Variants in NCKAP5 observed in about 807,000 individuals in gnomAD.
The protein encoded by NCKAP5 is NCK associated protein 5, also known as nck-associated protein 5.
In NCKAP5, 92 loss-of-function variants were observed where a neutral mutation model predicts 167.0. That is an observed-to-expected ratio of 0.55 (90% confidence interval 0.47 to 0.66). The LOEUF (loss-of-function observed/expected upper bound fraction) is 0.66, where lower values mean the gene tolerates loss of function less well. Ranked by LOEUF, NCKAP5 falls within the 30% of genes least tolerant of loss-of-function variation. The pLI is 0.00. For synonymous variants in NCKAP5, 891 were observed against 877.4 expected, an observed-to-expected ratio of 1.02 and a Z score of -0.27; for missense variants, 2,378 against 2,315.0, an observed-to-expected ratio of 1.03 and a Z score of -0.56.
intron 6 of NCKAP5, among the ~76,000 whole-genome samples, chr2:133,109,659 G>C (rs185636622): frequency 2.6e-5 from 4 of 151,678 alleles, no homozygotes; most frequent in Admixed American, 6.6e-5. Flanking sequence ...TTTTTGAAAG[G>C]CTTTTTCAAA....
chr2:132,801,894 G>A (rs1036685135), intron 11 of NCKAP5, among the ~76,000 whole-genome samples: 2 of 152,174 alleles, frequency 1.3e-5, no homozygotes, highest in African/African-American at 4.8e-5. Flanking sequence ...TGACTCTGCA[G>A]CTCTCTAGTT....
At chr2:132,906,155 T>G (rs559842104) in intron 8 of NCKAP5, among the ~76,000 whole-genome samples, 1 of 152,324 alleles carries the variant, frequency 6.6e-6, no homozygotes, top group African/African-American at 2.4e-5. Context: ...CTATTATTTT[T>G]CTAAGATGGT....
intron 11 of NCKAP5, among the ~76,000 whole-genome samples, chr2:132,835,956 A>C (rs1398423995): frequency 6.6e-6 from 1 of 152,040 alleles, no homozygotes; most frequent in Non-Finnish European, 1.5e-5. Flanking sequence ...CATATTAGGT[A>C]CTCTTCTAAA....
intron 13 of NCKAP5, among the ~76,000 whole-genome samples, chr2:132,787,592 C>T (rs921934259): frequency 2.0e-5 from 3 of 152,272 alleles, no homozygotes; most frequent in Non-Finnish European, 2.9e-5. Context: ...CTATCAACAA[C>T]GCACACATTT....
chr2:133,178,756 C>T (rs1173345157), intron 5 of NCKAP5, among the ~76,000 whole-genome samples: 1 of 132,754 alleles, frequency 7.5e-6, no homozygotes, highest in African/African-American at 2.9e-5. Flanking sequence ...ACCCAGGAGG[C>T]GGAGCTTGCA....
chr2:133,338,300 G>C (rs1175518436), intron 3 of NCKAP5, among the ~76,000 whole-genome samples: 1 of 152,166 alleles, frequency 6.6e-6, no homozygotes, highest in African/African-American at 2.4e-5. Flanking sequence ...AAGATGTAGA[G>C]TTCCTATATA....
chr2:133,143,676 G>A (rs929474626), intron 5 of NCKAP5, among the ~76,000 whole-genome samples: 1 of 151,982 alleles, frequency 6.6e-6, no homozygotes, highest in African/African-American at 2.4e-5. Flanking sequence ...GAGAGAGAGA[G>A]AAAAAGAGAG....
the NCKAP5 span, among the ~76,000 whole-genome samples, chr2:133,616,770 G>C: frequency 6.6e-6 from 1 of 151,918 alleles, no homozygotes; most frequent in East Asian, 1.9e-4. Context: ...CCAATCAATA[G>C]AAAAAGAGGG....
intron 4 of NCKAP5, among the ~76,000 whole-genome samples, chr2:133,261,105 T>C (rs1191026717): frequency 2.0e-5 from 3 of 152,150 alleles, no homozygotes; most frequent in Non-Finnish European, 2.9e-5. Flanking sequence ...AACTGAGAAA[T>C]GGAAAAGAAT....
intron 6 of NCKAP5, among the ~76,000 whole-genome samples, chr2:133,073,099 T>C (rs759963843): frequency 6.6e-6 from 1 of 152,228 alleles, no homozygotes; most frequent in African/African-American, 2.4e-5. Context: ...GTAAATTTCC[T>C]GGTTTATATT....
intron 3 of NCKAP5, among the ~76,000 whole-genome samples, chr2:133,360,697 G>A (rs1304438445): frequency 6.6e-6 from 1 of 152,118 alleles, no homozygotes; most frequent in African/African-American, 2.4e-5. Flanking sequence ...GTCAGAGCAG[G>A]TGATAGATCT....
intron 5 of NCKAP5, among the ~76,000 whole-genome samples, chr2:133,185,074 C>T (rs6745219): frequency 0.49 from 73,937 of 151,850 alleles, 18,520 homozygotes; most frequent in East Asian, 0.74. Flanking sequence ...GGATTTCTTC[C>T]AGAATTTTTA....
chr2:133,639,266 A>G, the NCKAP5 span, among the ~76,000 whole-genome samples: 3 of 152,332 alleles, frequency 2.0e-5, no homozygotes, highest in Admixed American at 6.5e-5. Flanking sequence ...GGCAACCCCA[A>G]TAAATTTGAT....
chr2:133,335,318 C>G lies in NCKAP5; in HGVS notation c.70-32208G>C, dbSNP rs534531523. ...ACAAGCAAATTGCTACACTTGACAA[C>G]AGAAATATAAGCCAAATCTGAATTA... On this transcript the variant is annotated intron_variant, in intron 3 of 19. Transcript: ENST00000409261. 5.3e-5 allele frequency among the ~76,000 whole-genome samples: 8 copies of G among 152,284 alleles called. No homozygotes were observed. The South Asian group carries it at 1.7e-3, about 32-fold the overall frequency.
chr2:132,895,218 C>T (rs1042012143), intron 8 of NCKAP5, among the ~76,000 whole-genome samples: 5 of 151,800 alleles, frequency 3.3e-5, no homozygotes, highest in African/African-American at 2.4e-5. Context: ...GTAGTCCCAG[C>T]TACTCTGGAG....
At chr2:132,969,969 C>T (rs1258152540) in intron 7 of NCKAP5, among the ~76,000 whole-genome samples, 3 of 151,964 alleles carry the variant, frequency 2.0e-5, no homozygotes, top group Admixed American at 6.6e-5. Context: ...TATAAGGTAA[C>T]ATTGAGAAAG....
intron 7 of NCKAP5, among the ~76,000 whole-genome samples, chr2:132,980,564 T>A (rs1354753587): frequency 6.6e-6 from 1 of 152,180 alleles, no homozygotes; most frequent in Non-Finnish European, 1.5e-5. Flanking sequence ...TGACTCACTG[T>A]ATGACCTGAA....
At chr2:132,829,032 A>C (rs1227250046) in intron 11 of NCKAP5, among the ~76,000 whole-genome samples, 1 of 152,234 alleles carries the variant, frequency 6.6e-6, no homozygotes, top group Non-Finnish European at 1.5e-5. Context: ...GGAGACTGAC[A>C]TAACCAGTAA....
the NCKAP5 span, among the ~76,000 whole-genome samples, chr2:133,587,854 G>A: frequency 5.9e-5 from 9 of 152,296 alleles, no homozygotes; most frequent in East Asian, 7.7e-4. Context: ...AGGACAGCAC[G>A]CAAATGAGTG....
Sources: gnomAD v4.1 joint callset for allele counts (sites outside exome capture counted in the v4.1 genomes callset) on GRCh38, gnomAD v4.1.1 for gene constraint, MANE v1.5 for transcripts, NCBI Gene and HGNC (gene_info 2026-07-23, HGNC 2026-07-21) for gene names.